ABCB11: variants seen among roughly 807,000 people sequenced by gnomAD.
ABCB11 encodes the protein bile salt export pump.
ABCB11 carries 95 observed loss-of-function variants against 148.0 expected under a neutral mutation model. The observed-to-expected ratio is 0.64, with a 90% CI of 0.54 to 0.76. ABCB11 has a LOEUF of 0.76. Among genes scored for constraint, ABCB11 ranks in the 30% least tolerant of loss-of-function variants. The probability of loss-of-function intolerance (pLI) is 0.00; values close to 1 mark genes in which losing one functional copy is unlikely to be tolerated. For missense variants in ABCB11, 1,523 were observed against 1,617.8 expected, an observed-to-expected ratio of 0.94 and a Z score of 1.01; for synonymous variants, 591 against 555.4, an observed-to-expected ratio of 1.06 and a Z score of -0.90.
intron 8 of ABCB11, 101 bp from the exon 9 acceptor site, chr2:168,991,026 A>C: frequency 7.4e-7 from 1 of 1,345,084 alleles, no homozygotes; most frequent in Non-Finnish European, 1.0e-6. Flanking sequence ...GTTTAATACA[A>C]TATTAGATTC....
At chr2:169,014,467 G>T in intron 3 of ABCB11, 113 bp from the exon 4 acceptor site, 1 of 1,034,688 alleles carries the variant, frequency 9.7e-7, no homozygotes, top group Non-Finnish European at 1.4e-6. Context: ...ATCCCCACTG[G>T]CTGGAAAATT....
Position 168,978,367 on chromosome 2 carries a change from C to A in ABCB11, c.1197+1499G>T, listed in dbSNP as rs113472697. Among the ~76,000 whole-genome samples, 828 of 151,946 alleles carry A rather than the reference C, an allele frequency of 5.4e-3. 8 individuals are homozygous for A. The highest frequency in any genetic ancestry group is 0.018 in the African/African-American group (746 of 41,434). ...CCCAGGCTTGTCTCAAACTCCTGGGCTCAAGCTATCCTCCCGACTTGGCCT... is the reference window on the plus strand; with the variant it reads ...CCCAGGCTTGTCTCAAACTCCTGGGATCAAGCTATCCTCCCGACTTGGCCT... On this transcript the variant is annotated intron_variant, in intron 11 of 27. Transcript: ENST00000650372.
chr2:168,994,001 TAGCATTAACAGC>T, intron 7 of ABCB11, 119 bp from the exon 8 acceptor site: 1 of 856,930 alleles, frequency 1.2e-6, no homozygotes, highest in South Asian at 1.8e-5. Flanking sequence ...CACCCTTGGA[TAGCATTAACAGC>T]CTCTCAGATC....
At chr2:168,951,571 A>G (rs1024157425) in intron 19 of ABCB11, among the ~76,000 whole-genome samples, 5 of 151,726 alleles carry the variant, frequency 3.3e-5, no homozygotes, top group Admixed American at 1.3e-4. Context: ...GTGTATAGAA[A>G]CACTATTGAT....
chr2:168,923,637 T>A lies in ABCB11; in HGVS notation c.3951A>T (p.Gly1317=), dbSNP rs1444411962. The change falls in exon 28 of 28, where the codon GGA becomes GGT. Residue 1317 remains glycine (G), a synonymous_variant. Transcript: ENST00000650372. The stretch of plus-strand genomic sequence containing the variant: ...TTGCATTGGGTCAACTGATGGGGGA[T>A]CCAGTGGTGACTAGTTTGTAGTAGG... ...KGAYYKLVTT[G]SPIS is the part of the protein sequence containing the mutation. 1.2e-6 allele frequency: 2 copies of A among 1,613,838 alleles called. No homozygotes were observed. Among genetic ancestry groups the A allele is most frequent in the South Asian group, 2.2e-5 (2 of 91,068 alleles).
At chr2:168,927,012 A>T in intron 26 of ABCB11, 144 bp downstream of exon 26, 2 of 713,030 alleles carry the variant, frequency 2.8e-6, no homozygotes, top group South Asian at 1.9e-5. Context: ...CTGTGGAATC[A>T]TGTTGGCATT....
intron 10 of ABCB11, among the ~76,000 whole-genome samples, chr2:168,985,424 A>T (rs1461891788): frequency 6.6e-6 from 1 of 152,156 alleles, no homozygotes; most frequent in Non-Finnish European, 1.5e-5. Flanking sequence ...AGAAGTCGTT[A>T]TACAAAAGAG....
At chr2:168,936,116 G>C in intron 22 of ABCB11, 114 bp downstream of exon 22, 1 of 1,027,656 alleles carries the variant, frequency 9.7e-7, no homozygotes, top group East Asian at 2.6e-5. Flanking sequence ...TCTTAAGTGT[G>C]CCTGTCTTGT....
intron 10 of ABCB11, among the ~76,000 whole-genome samples, chr2:168,983,357 A>G (rs1694198799): frequency 6.6e-6 from 1 of 152,176 alleles, no homozygotes; most frequent in Admixed American, 6.6e-5. Context: ...GGATCAATAA[A>G]GACAAGGGAC....
intron 8 of ABCB11, among the ~76,000 whole-genome samples, chr2:168,991,641 A>T (rs1310651810): frequency 6.6e-6 from 1 of 152,078 alleles, no homozygotes; most frequent in South Asian, 2.1e-4. Flanking sequence ...TATAATACCC[A>T]GATTAAGGGA....
intron 19 of ABCB11, among the ~76,000 whole-genome samples, chr2:168,948,769 C>T (rs1692434665): frequency 6.6e-6 from 1 of 151,622 alleles, no homozygotes; most frequent in African/African-American, 2.4e-5. Context: ...TGAGTGTTTC[C>T]GATTCTCTAC....
intron 5 of ABCB11, among the ~76,000 whole-genome samples, chr2:169,008,618 G>A (rs972029837): frequency 1.3e-5 from 2 of 152,178 alleles, no homozygotes; most frequent in Non-Finnish European, 2.9e-5. Context: ...TTCTACCTAT[G>A]AGAGATATCA....
chr2:169,025,507 C>T (rs1005173572), intron 1 of ABCB11, among the ~76,000 whole-genome samples: 1 of 152,298 alleles, frequency 6.6e-6, no homozygotes, highest in Middle Eastern at 3.4e-3. Flanking sequence ...CTACCTGATC[C>T]TCCACCCCAT....
At chr2:169,025,679 T>G (rs1558934768) in intron 1 of ABCB11, among the ~76,000 whole-genome samples, 1 of 152,248 alleles carries the variant, frequency 6.6e-6, no homozygotes, top group East Asian at 1.9e-4. Context: ...CCCCTACAAA[T>G]AGTTTTTGTG....
At chr2:169,019,072 G>C (rs549647097) in intron 1 of ABCB11, among the ~76,000 whole-genome samples, 14 of 152,122 alleles carry the variant, frequency 9.2e-5, no homozygotes, top group Admixed American at 7.2e-4. Flanking sequence ...AGCTAATGTG[G>C]GCCCCATGCA....
At chr2:168,931,670 G>A (rs1173861076) in intron 24 of ABCB11, among the ~76,000 whole-genome samples, 2 of 152,166 alleles carry the variant, frequency 1.3e-5, no homozygotes, top group Admixed American at 1.3e-4. Context: ...TTCTGTATCA[G>A]AACATCAATA....
chr2:168,939,527 T>G (rs1325115167), intron 21 of ABCB11, among the ~76,000 whole-genome samples: 1 of 152,132 alleles, frequency 6.6e-6, no homozygotes, highest in African/African-American at 2.4e-5. Context: ...GTTTATCATT[T>G]GTTTATATAA....
intron 25 of ABCB11, 32 bp downstream of exon 25, chr2:168,930,633 G>C: frequency 2.7e-6 from 4 of 1,463,434 alleles, no homozygotes; most frequent in Non-Finnish European, 3.6e-6. Flanking sequence ...CTCTGCAGAA[G>C]GCAAAATTCT....
At chr2:168,938,340 T>A (rs1212327467) in intron 21 of ABCB11, among the ~76,000 whole-genome samples, 2 of 152,012 alleles carry the variant, frequency 1.3e-5, no homozygotes, top group African/African-American at 4.8e-5. Flanking sequence ...AAAATAAACA[T>A]CCATAAAAAT....
Sources: allele counts gnomAD v4.1 joint callset (sites outside exome capture counted in the v4.1 genomes callset), GRCh38; gene constraint gnomAD v4.1.1; transcripts MANE v1.5; gene names NCBI Gene and HGNC (gene_info 2026-07-23, HGNC 2026-07-21).